PCDHA1: variants seen among roughly 807,000 people sequenced by gnomAD.
PCDHA1 encodes the protein protocadherin alpha 1.
PCDHA1 carries 42 observed loss-of-function variants against 61.3 expected under a neutral mutation model. The ratio of observed to expected loss-of-function variants is 0.69; its 90% confidence interval spans 0.54 to 0.89. The LOEUF (loss-of-function observed/expected upper bound fraction) is 0.89. Ranked by LOEUF, PCDHA1 falls within the 40% of genes least tolerant of loss-of-function variation. The probability of loss-of-function intolerance (pLI) is 0.00; values close to 1 mark genes in which losing one functional copy is unlikely to be tolerated. For synonymous variants in PCDHA1, 610 were observed against 553.8 expected (o/e 1.10, Z -1.43); for missense variants, 1,256 against 1,235.3 (o/e 1.02, Z -0.25).
At chr5:140,801,323 C>G (rs782468129) in intron 1 of PCDHA1, 1 of 1,613,308 alleles carries the variant, frequency 6.2e-7, no homozygotes, top group Non-Finnish European at 8.5e-7. Flanking sequence ...CCAAGCATGG[C>G]ACCTTCGTGG....
intron 1 of PCDHA1, among the ~76,000 whole-genome samples, chr5:140,932,121 T>C (rs1343821167): frequency 6.6e-6 from 1 of 151,956 alleles, no homozygotes; most frequent in Non-Finnish European, 1.5e-5. Context: ...ATTGATAATA[T>C]TTAAGATATA....
intron 1 of PCDHA1, among the ~76,000 whole-genome samples, chr5:140,960,972 T>C (rs936519951): frequency 6.6e-6 from 1 of 152,188 alleles, no homozygotes; most frequent in South Asian, 2.1e-4. Flanking sequence ...GCAGTTGCAA[T>C]TCTTGTTCCA....
chr5:140,973,406 T>C (rs1205127002), intron 1 of PCDHA1, among the ~76,000 whole-genome samples: 1 of 152,240 alleles, frequency 6.6e-6, no homozygotes, highest in Non-Finnish European at 1.5e-5. Flanking sequence ...ATCTATGAGC[T>C]TCCACTCCAG....
At chr5:140,916,264 A>G (rs1455161672) in intron 1 of PCDHA1, among the ~76,000 whole-genome samples, 1 of 152,200 alleles carries the variant, frequency 6.6e-6, no homozygotes, top group East Asian at 1.9e-4. Flanking sequence ...CCCCAAGAGC[A>G]TGCTTGTTGC....
intron 1 of PCDHA1, chr5:140,870,294 G>A (rs1554164013): frequency 3.1e-6 from 5 of 1,614,192 alleles, no homozygotes; most frequent in Non-Finnish European, 3.4e-6. Flanking sequence ...TCAAGCTGGT[G>A]TCCACCTTCA....
At chr5:140,803,243 G>C in intron 1 of PCDHA1, 1 of 1,613,826 alleles carries the variant, frequency 6.2e-7, no homozygotes, top group Non-Finnish European at 8.5e-7. Flanking sequence ...CGTCCCAGGC[G>C]TCCGCTGGCG....
At chr5:140,926,731 G>C (rs1282301090) in intron 1 of PCDHA1, 9 of 1,104,780 alleles carry the variant, frequency 8.1e-6, no homozygotes, top group Middle Eastern at 3.2e-4. Flanking sequence ...GCCGGCGTTC[G>C]GGAGGCGCAA....
At chr5:140,796,588 G>T (rs782611214) in intron 1 of PCDHA1, 20 of 1,612,660 alleles carry the variant, frequency 1.2e-5, no homozygotes, top group African/African-American at 2.7e-5. Context: ...GGATGCGGGC[G>T]TGCCGCCTCT....
intron 1 of PCDHA1, chr5:140,883,380 T>C (rs1554177974): frequency 1.2e-6 from 2 of 1,614,176 alleles, no homozygotes; most frequent in Admixed American, 3.3e-5. Context: ...ATTATTGCCC[T>C]AATCAGTGTG....
intron 1 of PCDHA1, among the ~76,000 whole-genome samples, chr5:140,818,066 G>A (rs1766274959): frequency 6.6e-6 from 1 of 152,070 alleles, no homozygotes; most frequent in Non-Finnish European, 1.5e-5. Flanking sequence ...AATCTCGCTT[G>A]CAGTTTTCAA....
intron 1 of PCDHA1, among the ~76,000 whole-genome samples, chr5:140,917,473 C>G (rs1355146896): frequency 1.3e-5 from 2 of 152,196 alleles, no homozygotes; most frequent in Admixed American, 1.3e-4. Flanking sequence ...GTCATGAAAT[C>G]TTTGCCAGGG....
At position 140,884,762 on chromosome 5, in the gene PCDHA1, A is replaced by T. The variant is rs491169; in HGVS notation, c.2395-94187A>T. 4,163 of 1,423,128 alleles carry T rather than the reference A, an allele frequency of 2.9e-3. 95 individuals carry two copies. The African/African-American group carries it at 0.053, about 18-fold the overall frequency. 88.2% of individuals were successfully genotyped at this position (1,423,128 alleles called of 1,614,324 possible). A position where few individuals can be genotyped will look rare whatever the true frequency, so the allele number is the denominator to read the frequency against. On this transcript the variant is annotated intron_variant, in intron 1 of 3. Coordinates refer to ENST00000504120, the MANE Select transcript of PCDHA1 (RefSeq NM_018900.4). ...TCCTGCCAATTTCAAATTATTCTTT[A>T]CTTTAATTTTAATTTTGCTAGTTGT...
intron 1 of PCDHA1, chr5:140,836,144 G>A (rs2150253955): frequency 1.5e-5 from 25 of 1,613,780 alleles, no homozygotes; most frequent in Non-Finnish European, 2.1e-5. Context: ...CTGTGGGCGC[G>A]GGCCATGTGG....
chr5:140,830,375 G>A, intron 1 of PCDHA1: 1 of 1,614,172 alleles, frequency 6.2e-7, no homozygotes, highest in Non-Finnish European at 8.5e-7. Flanking sequence ...GTGCTCCGGG[G>A]AGGGCCCACC....
At chr5:140,896,450 C>T (rs1009231622) in intron 1 of PCDHA1, among the ~76,000 whole-genome samples, 1 of 152,092 alleles carries the variant, frequency 6.6e-6, no homozygotes, top group East Asian at 1.9e-4. Flanking sequence ...GCAACCTCCA[C>T]CTCCTGGGTT....
intron 3 of PCDHA1, among the ~76,000 whole-genome samples, chr5:140,983,637 T>G (rs1306208906): frequency 6.6e-6 from 1 of 152,232 alleles, no homozygotes; most frequent in Non-Finnish European, 1.5e-5. Context: ...TGTACCCAAG[T>G]TCACGTAGCT....
chr5:140,797,844 C>T (rs1003095497), intron 1 of PCDHA1, among the ~76,000 whole-genome samples: 1 of 149,000 alleles, frequency 6.7e-6, no homozygotes, highest in East Asian at 1.9e-4. Flanking sequence ...TAATAAGCTA[C>T]ATTTTTTTTT....
intron 1 of PCDHA1, 50 bp downstream of exon 1, chr5:140,788,734 T>G (rs782472777): frequency 2.0e-6 from 3 of 1,491,404 alleles, no homozygotes; most frequent in Non-Finnish European, 2.7e-6. Flanking sequence ...ATATTTAACT[T>G]GTCTAATCAT....
chr5:140,884,839 G>A lies in PCDHA1; in HGVS notation c.2395-94110G>A, dbSNP rs180730260. Reference sequence around the variant, plus strand: ...ACATTATGTGTTGGATTATCCTTCAGAGTGAAATCTTAACTCACAAACCAT... The same window carrying A: ...ACATTATGTGTTGGATTATCCTTCAAAGTGAAATCTTAACTCACAAACCAT... On this transcript the variant is annotated intron_variant, in intron 1 of 3. Coordinates refer to ENST00000504120, the MANE Select transcript of PCDHA1 (RefSeq NM_018900.4). 2.5e-3 allele frequency: 2,207 copies of A among 893,274 alleles called. 7 individuals are homozygous for A. Among genetic ancestry groups the A allele is most frequent in the Middle Eastern group, 9.3e-3 (26 of 2,802 alleles). 55.3% of individuals were successfully genotyped at this position (893,274 alleles called of 1,614,324 possible). A position where few individuals can be genotyped will look rare whatever the true frequency, so the allele number is the denominator to read the frequency against.
Sources: gnomAD v4.1 joint callset for allele counts (sites outside exome capture counted in the v4.1 genomes callset) on GRCh38, gnomAD v4.1.1 for gene constraint, MANE v1.5 for transcripts, NCBI Gene and HGNC (gene_info 2026-07-23, HGNC 2026-07-21) for gene names.